Variants in ZNF44 observed in about 807,000 individuals in gnomAD.
ZNF44 encodes zinc finger protein 44.
ZNF44 carries 9 observed loss-of-function variants against 11.7 expected under a neutral mutation model. The ratio of observed to expected loss-of-function variants is 0.77; its 90% CI spans 0.46 to 1.35. The LOEUF (loss-of-function observed/expected upper bound fraction) is 1.35. Ranked by LOEUF, ZNF44 falls within the 40% of genes most tolerant of loss-of-function variation. The pLI, the probability that ZNF44 is intolerant of heterozygous loss-of-function variation, is 0.00. For synonymous variants in ZNF44, 224 were observed against 242.7 expected, an observed-to-expected ratio of 0.92 and a Z score of 0.72; for missense variants, 696 against 743.1, an observed-to-expected ratio of 0.94 and a Z score of 0.74.
intron 2 of ZNF44, 122 bp downstream of exon 2, chr19:12,275,834 C>G: frequency 7.7e-7 from 1 of 1,294,988 alleles, no homozygotes; most frequent in Admixed American, 2.4e-5. Flanking sequence ...CCTGGCACTT[C>G]ACCCTGTGTT....
At chr19:12,274,860 GAAT>G in intron 3 of ZNF44, 110 bp downstream of exon 3, 2 of 691,254 alleles carry the variant, frequency 2.9e-6, no homozygotes, top group Non-Finnish European at 4.6e-6. Context: ...ATTTTTCTAA[GAAT>G]AAATAAATTT....
Position 12,258,697 on chromosome 19 carries a change from G to A in ZNF44, c.1913-8329C>T, listed in dbSNP as rs932212892. The stretch of plus-strand genomic sequence containing the variant: ...ACACAAGAATTAGATGGGCGTGGTG[G>A]CAAGTGCCTGCAATCCCAACTACTC... On this transcript the variant is annotated intron_variant and NMD_transcript_variant, in intron 5 of 7. Transcript: ENST00000393337. Among the ~76,000 whole-genome samples the A allele has an allele frequency of 3.0e-4, 45 of 152,070 alleles. 1 individual carries two copies. The highest frequency in any genetic ancestry group is 2.7e-3 in the Admixed American group (42 of 15,274).
chr19:12,260,522 C>A (rs1018121083), intron 5 of ZNF44: 277 of 1,082,854 alleles, frequency 2.6e-4, no homozygotes, highest in Non-Finnish European at 2.6e-4. Context: ...GGACCCGCGC[C>A]ACCAAGAGCT....
intron 1 of ZNF44, among the ~76,000 whole-genome samples, chr19:12,276,442 C>T (rs73505884): frequency 0.036 from 5,450 of 152,288 alleles, 125 homozygotes; most frequent in African/African-American, 0.07. Context: ...AGTCCTGAGA[C>T]GGCATATCCT....
chr19:12,274,009 T>G lies in ZNF44; in HGVS notation c.246A>C (p.Glu82Asp). ...TACTATTTCGAATCTGGCTTAAGGT[T>G]TCTCCACACTGACTACCATCTTTAC... ...GKSKDGSQCGETLSQIRNSIV... is the reference protein window; with the variant it reads ...GKSKDGSQCGDTLSQIRNSIV... The change falls in exon 4 of 4, where the codon GAA (glutamate) becomes GAC (aspartate). Residue 82 changes from glutamate (E) to aspartate (D), a missense_variant. Physicochemically the swap from Glu to Asp is conservative, Grantham distance 45. Coordinates refer to ENST00000355684, the MANE Select transcript of ZNF44 (RefSeq NM_016264.4). 1.2e-6 allele frequency: 2 copies of G among 1,613,968 alleles called. No individual in the cohort carries two copies. The highest frequency in any genetic ancestry group is 1.3e-5 in the African/African-American group (1 of 75,060).
intron 1 of ZNF44, among the ~76,000 whole-genome samples, chr19:12,294,402 C>T (rs1599556761): frequency 6.6e-6 from 1 of 152,250 alleles, no homozygotes; most frequent in African/African-American, 2.4e-5. Context: ...ACTGGTTCCG[C>T]CGCACAATCT....
chr19:12,250,108 T>C (rs1167671519), intron 6 of ZNF44: 34 of 1,251,684 alleles, frequency 2.7e-5, no homozygotes, highest in Admixed American at 1.0e-4. Flanking sequence ...AGATTCTAGG[T>C]CCATATGTGA....
At position 12,249,178 on chromosome 19, in the gene ZNF44, C is replaced by T. The variant is rs188178963; in HGVS notation, c.*187-500G>A. Among the ~76,000 whole-genome samples the T allele has an allele frequency of 9.2e-5, 14 of 151,828 alleles. 1 individual carries two copies. In the East Asian group the frequency reaches 2.2e-3, roughly 24 times the overall value. On this transcript the variant is annotated intron_variant and NMD_transcript_variant, in intron 7 of 7. Transcript: ENST00000393337. ...CTGGGATTATAGGCGGGAGCCACCG[C>T]GCCTGGACCATGAACATCTATGCCA...
rs151289113 is a variant in ZNF44, at chr19:12,265,191, A to T, written c.1912+7296T>A. 6.5e-3 allele frequency among the ~76,000 whole-genome samples: 991 copies of T among 152,018 alleles called. 12 individuals are homozygous for T. Among genetic ancestry groups the T allele is most frequent in the African/African-American group, 0.023 (940 of 41,496 alleles). On this transcript the variant is annotated intron_variant and NMD_transcript_variant, in intron 5 of 7. Coordinates refer to the ZNF44 transcript ENST00000393337. Reference sequence around the variant, plus strand: ...CCCAACATTTTGGGAGGATCACTTGAGCTCAGGAGTTCGAGACCAGCCTGG... The same window carrying T: ...CCCAACATTTTGGGAGGATCACTTGTGCTCAGGAGTTCGAGACCAGCCTGG...
At chr19:12,276,831 A>T (rs1050719858) in intron 1 of ZNF44, among the ~76,000 whole-genome samples, 3 of 152,174 alleles carry the variant, frequency 2.0e-5, no homozygotes, top group Non-Finnish European at 4.4e-5. Context: ...TGGTTATCAC[A>T]GATGAGGTTC....
At chr19:12,246,547 T>C (rs960871256), downstream of ZNF44, among the ~76,000 whole-genome samples, 1 of 152,190 alleles carries the variant, frequency 6.6e-6, no homozygotes, top group African/African-American at 2.4e-5. Flanking sequence ...GGCCCAGAAC[T>C]ATTAAAACAT....
At chr19:12,290,157 G>A (rs111804955) in intron 1 of ZNF44, among the ~76,000 whole-genome samples, 2 of 147,120 alleles carry the variant, frequency 1.4e-5, no homozygotes, top group South Asian at 2.2e-4. Context: ...AGGCCAAGGC[G>A]GGCAGATCAC....
intron 7 of ZNF44, chr19:12,249,954 C>T (rs1916925884): frequency 1.6e-6 from 2 of 1,263,262 alleles, no homozygotes; most frequent in Non-Finnish European, 2.0e-6. Flanking sequence ...TAGAATACTG[C>T]TTTCTTTTCT....
chr19:12,280,752 T>C (rs1452734019), intron 1 of ZNF44, among the ~76,000 whole-genome samples: 3 of 152,134 alleles, frequency 2.0e-5, no homozygotes, highest in Non-Finnish European at 4.4e-5. Flanking sequence ...TACACAAGTA[T>C]GAAGAAATAC....
chr19:12,278,879 T>C (rs1967345690), intron 1 of ZNF44, among the ~76,000 whole-genome samples: 1 of 152,196 alleles, frequency 6.6e-6, no homozygotes, highest in African/African-American at 2.4e-5. Flanking sequence ...AATATATTTT[T>C]ATAAAAGATG....
At chr19:12,293,200 C>G in intron 1 of ZNF44, 4 of 1,529,480 alleles carry the variant, frequency 2.6e-6, no homozygotes, top group Non-Finnish European at 3.5e-6. Context: ...GAATGATATA[C>G]CAGAAGATTC....
At chr19:12,264,751 A>C (rs746338992) in intron 5 of ZNF44, among the ~76,000 whole-genome samples, 10 of 152,168 alleles carry the variant, frequency 6.6e-5, no homozygotes, top group Non-Finnish European at 1.3e-4. Context: ...GTTGGAGTGC[A>C]GTGGCACAAT....
chr19:12,230,259 GTGTC>G (rs1252009912), intron 3 of ZNF44, among the ~76,000 whole-genome samples: 2 of 152,210 alleles, frequency 1.3e-5, no homozygotes, highest in Admixed American at 1.3e-4. Context: ...GAAGCCGAGG[GTGTC>G]TGTTTTTGTT....
rs2145781290 is a variant in ZNF44 at position 12,294,850 on chromosome 19, T to C, written c.-156A>G. On this transcript the variant is annotated 5_prime_UTR_variant, in exon 1 of 4. Transcript: ENST00000355684. ...GAAGAGGCCACTAGCTCCTGGAACGTCACACCCTCCTCTCTGCCTCGCGCC... is the reference window on the plus strand; with the variant it reads ...GAAGAGGCCACTAGCTCCTGGAACGCCACACCCTCCTCTCTGCCTCGCGCC... The C allele has an allele frequency of 2.5e-6, 2 of 800,208 alleles. No homozygotes were observed. The highest frequency in any genetic ancestry group is 3.5e-5 in the Admixed American group (1 of 28,320). 49.6% of individuals were successfully genotyped at this position (800,208 alleles called of 1,614,324 possible). A position where few individuals can be genotyped will look rare whatever the true frequency, so the allele number is the denominator to read the frequency against.
Sources: allele counts gnomAD v4.1 joint callset (sites outside exome capture counted in the v4.1 genomes callset), GRCh38; gene constraint gnomAD v4.1.1; transcripts MANE v1.5; gene names NCBI Gene and HGNC (gene_info 2026-07-23, HGNC 2026-07-21).